The following ITGAX variants were observed in gnomAD, a reference collection of about 807,000 sequenced individuals.
The protein encoded by ITGAX is integrin alpha-X.
ITGAX carries 99 observed loss-of-function variants against 140.2 expected under a neutral mutation model. The ratio of observed to expected loss-of-function variants is 0.71; its 90% CI spans 0.60 to 0.83. ITGAX has a LOEUF of 0.83. ITGAX is among the 40% of genes least tolerant of loss of function. The pLI, the probability that ITGAX is intolerant of heterozygous loss-of-function variation, is 0.00. For missense variants in ITGAX, 1,444 were observed against 1,482.0 expected, an observed-to-expected ratio of 0.97 and a Z score of 0.42; for synonymous variants, 631 against 600.4, an observed-to-expected ratio of 1.05 and a Z score of -0.75.
At position 31,363,185 on chromosome 16, in the gene ITGAX, T is replaced by A; in HGVS notation, c.1521T>A (p.Asp507Glu). Residue 507 changes from aspartate (D) to glutamate (E), a missense_variant, in exon 14 of 30, where the codon GAT becomes GAA. By Grantham distance (45) the Asp-to-Glu change is conservative (BLOSUM62 2). Coordinates refer to ENST00000268296, the MANE Select transcript of ITGAX (RefSeq NM_000887.5). ...LPRGWRRWWC[D>E]AVLYGEQGHP... ...TGCAGTGGAGAAGGTGGTGGTGTGA[T>A]GCTGTTCTCTACGGGGAGCAGGGCC... is the stretch of plus-strand genomic sequence containing the variant. 1.9e-6 allele frequency: 3 copies of A among 1,611,378 alleles called. No individual in the cohort carries two copies. Among genetic ancestry groups the A allele is most frequent in the Non-Finnish European group, 2.5e-6 (3 of 1,178,834 alleles).
intron 14 of ITGAX, 62 bp from the exon 15 acceptor site, chr16:31,371,022 T>G: frequency 6.2e-7 from 1 of 1,608,148 alleles, no homozygotes; most frequent in South Asian, 1.1e-5. Flanking sequence ...TTCCCCTTGT[T>G]ACTTATTTCC....
intron 18 of ITGAX, 30 bp from the exon 19 acceptor site, chr16:31,372,567 G>A (rs745422039): frequency 1.9e-6 from 3 of 1,613,914 alleles, no homozygotes; most frequent in African/African-American, 2.7e-5. Flanking sequence ...CTGGGTCTCG[G>A]AGAAAACCCC....
rs371004159 is a variant in ITGAX at position 31,380,366 on chromosome 16, G to T, written c.3161G>T (p.Gly1054Val). ...ACCCTGAAGGGCAACCTCAGCTTTG[G>T]CTGGGTCCGCCAGGTGTGTGGGTGC... ...DFTLKGNLSFGWVRQILQKKV... is the reference protein window; with the variant it reads ...DFTLKGNLSFVWVRQILQKKV... Residue 1054 changes from glycine to valine, a missense_variant, in exon 27 of 30, where the codon GGC becomes GTC. Physicochemically the swap from Gly to Val is moderately radical, Grantham distance 109. Coordinates refer to ENST00000268296, the MANE Select transcript of ITGAX (RefSeq NM_000887.5). 33 of 1,613,994 alleles carry T rather than the reference G, an allele frequency of 2.0e-5. No homozygotes were observed. Among genetic ancestry groups the T allele is most frequent in the Non-Finnish European group, 2.8e-5 (33 of 1,180,006 alleles).
In ITGAX at chr16:31,355,234, T is replaced by C. The variant is rs202175839; in HGVS notation, c.-21T>C. 1.6e-4 allele frequency: 258 copies of C among 1,613,694 alleles called. No homozygotes were observed. Among genetic ancestry groups the C allele is most frequent in the Admixed American group, 1.3e-3 (80 of 60,010 alleles). ...CTGCAACGGCCCAGGAGCTCAGAGC[T>C]CCACATCTGACCTTCTAGTCATGAC... On this transcript the variant is annotated 5_prime_UTR_variant, in exon 1 of 30. Transcript: ENST00000268296.
intron 20 of ITGAX, among the ~76,000 whole-genome samples, chr16:31,375,473 A>G (rs1382560586): frequency 6.6e-6 from 1 of 152,208 alleles, no homozygotes; most frequent in African/African-American, 2.4e-5. Context: ...CTATTGATAC[A>G]TTACCTAGTT....
At chr16:31,369,102 C>G (rs984780839) in intron 14 of ITGAX, among the ~76,000 whole-genome samples, 1 of 152,222 alleles carries the variant, frequency 6.6e-6, no homozygotes, top group African/African-American at 2.4e-5. Context: ...CATCATGGCC[C>G]GTTCTCAATG....
At chr16:31,372,012 T>C (rs1334670973) in intron 17 of ITGAX, among the ~76,000 whole-genome samples, 3 of 152,224 alleles carry the variant, frequency 2.0e-5, no homozygotes, top group East Asian at 3.9e-4. Flanking sequence ...GGAAAGAGAA[T>C]TGGGCAACCT....
In ITGAX at chr16:31,377,263, C is replaced by T. The variant is rs1399243389; in HGVS notation, c.2787C>T (p.Ser929=). The T allele has an allele frequency of 1.2e-6, 2 of 1,610,662 alleles. No homozygotes were observed. The highest frequency in any genetic ancestry group is 1.1e-5 in the South Asian group (1 of 90,940). ...PVKYAVYTVV[S]SHEQFTKYLN... ...AGTATGCTGTCTACACTGTGGTTAG[C>T]AGGTCAGCAGGTACCCCACTGCAGG... The change falls in exon 23 of 30, where the codon AGC becomes AGT. Residue 929 remains serine (S), a splice_region_variant and synonymous_variant. Coordinates refer to ENST00000268296, the MANE Select transcript of ITGAX (RefSeq NM_000887.5).
rs1429930204 is a variant in ITGAX, at chr16:31,360,385, G to A, written c.783G>A (p.Lys261=). ...AKILIVITDG[K]KEGDSLDYKD... is the part of the protein sequence containing the mutation. ...TTCTCATTGTCATCACTGATGGGAA[G>A]AAAGAAGGCGACAGCCTGGATTATA... The change falls in exon 8 of 30, where the codon AAG becomes AAA. Residue 261 remains lysine, a synonymous_variant. Coordinates refer to ENST00000268296, the MANE Select transcript of ITGAX (RefSeq NM_000887.5). 6.2e-7 allele frequency: 1 copy of A among 1,614,094 alleles called. No individual in the cohort carries two copies. The highest frequency in any genetic ancestry group is 1.7e-5 in the Admixed American group (1 of 60,008).
rs779305018 is a variant in ITGAX at position 31,373,257 on chromosome 16, C to T, written c.2375C>T (p.Ser792Phe). The T allele has an allele frequency of 5.6e-6, 9 of 1,600,230 alleles. No homozygotes were observed. The highest frequency in any genetic ancestry group is 1.7e-4 in the Middle Eastern group (1 of 5,954). Reference sequence around the variant, plus strand: ...CTTCACCTGATACCCAGCTTGAAGTCCCTGCTGGTGGGGAGTAACCTGGAG... The same window carrying T: ...CTTCACCTGATACCCAGCTTGAAGTTCCTGCTGGTGGGGAGTAACCTGGAG... ...GISFSFPGLKSLLVGSNLELN... is the reference protein window; with the variant it reads ...GISFSFPGLKFLLVGSNLELN... Residue 792 changes from serine to phenylalanine, a missense_variant, in exon 20 of 30, where the codon TCC becomes TTC. Coordinates refer to ENST00000268296, the MANE Select transcript of ITGAX (RefSeq NM_000887.5).
chr16:31,376,722 G>T, intron 20 of ITGAX, 77 bp from the exon 21 acceptor site: 2 of 1,337,530 alleles, frequency 1.5e-6, no homozygotes, highest in South Asian at 2.4e-5. Flanking sequence ...GTTATATTAG[G>T]TTGGTGCAAA....
chr16:31,363,111 G>A, intron 13 of ITGAX, 36 bp downstream of exon 13: 1 of 1,606,156 alleles, frequency 6.2e-7, no homozygotes, highest in Non-Finnish European at 8.5e-7. Context: ...GGTGGGGTCT[G>A]GTGTGGGTGG....
chr16:31,366,763 GC>G (rs1472719003), intron 14 of ITGAX, among the ~76,000 whole-genome samples: 3 of 152,324 alleles, frequency 2.0e-5, no homozygotes, highest in Non-Finnish European at 4.4e-5. Context: ...TGATCTGCCT[GC>G]CTTGGCCTCC....
In ITGAX at chr16:31,359,902, C is replaced by T; in HGVS notation, c.562-18C>T. 6.2e-7 allele frequency: 1 copy of T among 1,614,128 alleles called. No homozygotes were observed. The highest frequency in any genetic ancestry group is 8.5e-7 in the Non-Finnish European group (1 of 1,180,034). On this transcript the variant is annotated intron_variant, in intron 6 of 29. Transcript: ENST00000268296. ...CTGGTGAAATGGCCTCAGCCCCAGC[C>T]CTGTGTGCTTCTCCCAGTTTTCCCT...
chr16:31,365,366 G>T (rs2080882657), intron 14 of ITGAX, among the ~76,000 whole-genome samples: 1 of 152,138 alleles, frequency 6.6e-6, no homozygotes, highest in Non-Finnish European at 1.5e-5. Context: ...TGTGCTATGT[G>T]GTCTATAGCT....
chr16:31,380,727 G>A (rs554846984), intron 28 of ITGAX, 103 bp downstream of exon 28: 288 of 1,432,988 alleles, frequency 2.0e-4, no homozygotes, highest in Non-Finnish European at 2.6e-4. Flanking sequence ...GGAGGAGGGC[G>A]AAGGCCTCTG....
chr16:31,364,426 CAAAA>C (rs56776715), intron 14 of ITGAX, among the ~76,000 whole-genome samples: 3 of 42,456 alleles, frequency 7.1e-5, no homozygotes, highest in Non-Finnish European at 1.1e-4. Flanking sequence ...AATCCCGTGT[CAAAA>C]AAAAAAAAAA....
Position 31,379,638 on chromosome 16 carries a change from A to C in ITGAX, c.2860A>C (p.Arg954=), listed in dbSNP as rs774453753. 1.2e-5 allele frequency: 19 copies of C among 1,563,988 alleles called. No homozygotes were observed. Among genetic ancestry groups the C allele is most frequent in the Non-Finnish European group, 1.5e-5 (17 of 1,153,418 alleles). The change falls in exon 24 of 30, where the codon AGA becomes CGA. Residue 954 remains arginine, a synonymous_variant. Coordinates refer to ENST00000268296, the MANE Select transcript of ITGAX (RefSeq NM_000887.5). ...GAAGGAAAGCCATGTGGCCATGCACAGATACCAGGCAGGTGGTGGAGACGC... is the reference window on the plus strand; with the variant it reads ...GAAGGAAAGCCATGTGGCCATGCACCGATACCAGGCAGGTGGTGGAGACGC... ...EEKESHVAMH[R]YQVNNLGQRD... is the part of the protein sequence containing the mutation.
At position 31,371,743 on chromosome 16, in the gene ITGAX, G is replaced by A. The variant is rs368436373; in HGVS notation, c.2119G>A (p.Gly707Arg). Residue 707 changes from glycine to arginine, a missense_variant, in exon 17 of 30, where the codon GGG (glycine) becomes AGG (arginine). By Grantham distance (125) the Gly-to-Arg change is moderately radical. Transcript: ENST00000268296. ...NRSLSRVRVLGLKAHCENFNL... is the reference protein window; with the variant it reads ...NRSLSRVRVLRLKAHCENFNL... ...GAGTCTGAGCCGAGTCCGAGTCCTC[G>A]GGCTGAAGGCACACTGTGAAAACTT... The A allele has an allele frequency of 4.9e-5, 79 of 1,613,870 alleles. No homozygotes were observed. Among genetic ancestry groups the A allele is most frequent in the Non-Finnish European group, 6.2e-5 (73 of 1,180,016 alleles).
Sources: allele counts gnomAD v4.1 joint callset (sites outside exome capture counted in the v4.1 genomes callset), GRCh38; gene constraint gnomAD v4.1.1; transcripts MANE v1.5; gene names NCBI Gene and HGNC (gene_info 2026-07-23, HGNC 2026-07-21).